ANO4: variants seen among roughly 807,000 people sequenced by gnomAD.
The protein encoded by ANO4 is anoctamin-4.
Under a neutral mutation model 141.9 loss-of-function variants are expected in ANO4, and 69 were observed. That is an observed-to-expected ratio of 0.49 (90% confidence interval 0.40 to 0.59). The LOEUF (loss-of-function observed/expected upper bound fraction) is 0.59, where lower values mean the gene tolerates loss of function less well. Among genes scored for constraint, ANO4 ranks in the 20% least tolerant of loss-of-function variants. The probability of loss-of-function intolerance (pLI) is 0.00; values close to 1 mark genes in which losing one functional copy is unlikely to be tolerated. For synonymous variants in ANO4, 350 were observed against 394.3 expected (o/e 0.89, Z 1.33); for missense variants, 894 against 1,162.2 (o/e 0.77, Z 3.36).
Position 100,901,771 on chromosome 12 carries a change from A to G in ANO4, c.-15A>G, listed in dbSNP as rs771386546. 2.5e-6 allele frequency: 4 copies of G among 1,613,620 alleles called. No homozygotes were observed. The African/African-American group carries it at 5.3e-5, about 22-fold the overall frequency. The stretch of plus-strand genomic sequence containing the variant: ...CAGGCATTCCTCACTCCCACCAGGC[A>G]GAAGGTCAATAAAAATGGAGGCAAG... On this transcript the variant is annotated 5_prime_UTR_variant, in exon 2 of 28. Transcript: ENST00000392977.
chr12:101,096,311 C>T (rs1490440453), intron 18 of ANO4, among the ~76,000 whole-genome samples: 2 of 152,150 alleles, frequency 1.3e-5, no homozygotes, highest in Non-Finnish European at 2.9e-5. Flanking sequence ...CTATCAGATT[C>T]TTCCATAGCC....
intron 3 of ANO4, among the ~76,000 whole-genome samples, chr12:100,743,938 A>G (rs1455060089): frequency 1.3e-5 from 2 of 152,070 alleles, no homozygotes; most frequent in Non-Finnish European, 2.9e-5. Context: ...GCAATTTTTG[A>G]TAACCAAGAT....
intron 1 of ANO4, among the ~76,000 whole-genome samples, chr12:100,868,887 T>A (rs1312174685): frequency 6.6e-6 from 1 of 152,380 alleles, no homozygotes; most frequent in African/African-American, 2.4e-5. Context: ...TAGTTTTGTT[T>A]GTTTGTTTAA....
chr12:101,007,893 T>TA (rs201995721), intron 8 of ANO4, among the ~76,000 whole-genome samples: 22 of 151,504 alleles, frequency 1.5e-4, no homozygotes, highest in African/African-American at 3.4e-4. Context: ...CTTGAGTTTC[T>TA]AAAAAAAAAT....
intron 1 of ANO4, among the ~76,000 whole-genome samples, chr12:100,819,116 G>T (rs1215910811): frequency 7.2e-6 from 1 of 139,470 alleles, no homozygotes; most frequent in African/African-American, 2.5e-5. Context: ...GACATTAGAT[G>T]AATTTTTTTT....
intron 1 of ANO4, among the ~76,000 whole-genome samples, chr12:100,809,691 A>G (rs2035279729): frequency 6.6e-6 from 1 of 152,254 alleles, no homozygotes; most frequent in Non-Finnish European, 1.5e-5. Context: ...CAAAGGCTTT[A>G]TATGACATGC....
chr12:100,898,152 G>A (rs777945266), intron 1 of ANO4, among the ~76,000 whole-genome samples: 1 of 152,168 alleles, frequency 6.6e-6, no homozygotes, highest in Non-Finnish European at 1.5e-5. Flanking sequence ...ATACATTAAT[G>A]GGATAATGAT....
At chr12:100,863,801 T>G (rs746367874) in intron 1 of ANO4, among the ~76,000 whole-genome samples, 1 of 152,206 alleles carries the variant, frequency 6.6e-6, no homozygotes, top group Non-Finnish European at 1.5e-5. Flanking sequence ...GAGTGACTCA[T>G]GATGGGTTTT....
chr12:100,810,620 G>A lies in ANO4; in HGVS notation c.-141+15593G>A, dbSNP rs557463138. On this transcript the variant is annotated intron_variant, in intron 1 of 27. Coordinates refer to ENST00000392977, the MANE Select transcript of ANO4 (RefSeq NM_001286615.2). The stretch of plus-strand genomic sequence containing the variant: ...ATAGTGATTCTGGAGGTGGTGAGAG[G>A]TGGTAGAACTATGGATCTGTCTTGA... 6.6e-5 allele frequency among the ~76,000 whole-genome samples: 10 copies of A among 152,264 alleles called. No individual in the cohort carries two copies. In the South Asian group the frequency reaches 1.9e-3, roughly 28 times the overall value.
At chr12:100,750,460 A>G (rs1005098462) in intron 3 of ANO4, among the ~76,000 whole-genome samples, 1 of 152,036 alleles carries the variant, frequency 6.6e-6, no homozygotes, top group Non-Finnish European at 1.5e-5. Context: ...CTGCATTTCT[A>G]ACAAGCTTCC....
chr12:101,103,412 A>G (rs2050289703), intron 22 of ANO4, among the ~76,000 whole-genome samples: 1 of 151,058 alleles, frequency 6.6e-6, no homozygotes, highest in South Asian at 2.1e-4. Flanking sequence ...GTTTTCATAT[A>G]TCCCTAGGTT....
At chr12:100,860,878 T>C (rs974472009) in intron 1 of ANO4, among the ~76,000 whole-genome samples, 6 of 152,212 alleles carry the variant, frequency 3.9e-5, no homozygotes, top group African/African-American at 1.2e-4. Flanking sequence ...GTTCGTTCCT[T>C]CTGGTGCATT....
At chr12:100,857,625 A>G (rs892041067) in intron 1 of ANO4, among the ~76,000 whole-genome samples, 1 of 152,120 alleles carries the variant, frequency 6.6e-6, no homozygotes, top group African/African-American at 2.4e-5. Flanking sequence ...TGCCACTTTG[A>G]GATTCTCTGG....
intron 1 of ANO4, among the ~76,000 whole-genome samples, chr12:100,834,282 C>T (rs1487050103): frequency 6.6e-6 from 1 of 152,078 alleles, no homozygotes; most frequent in African/African-American, 2.4e-5. Context: ...TCTGCCCTTT[C>T]GACTGCCCTA....
chr12:100,848,926 G>A (rs2037723919), intron 1 of ANO4, among the ~76,000 whole-genome samples: 1 of 152,070 alleles, frequency 6.6e-6, no homozygotes, highest in Non-Finnish European at 1.5e-5. Context: ...TGCACATAGT[G>A]GGAATAAATA....
intron 13 of ANO4, among the ~76,000 whole-genome samples, chr12:101,045,613 C>A (rs1044391544): frequency 3.3e-5 from 5 of 152,138 alleles, no homozygotes; most frequent in African/African-American, 1.2e-4. Flanking sequence ...ATGCTGTATC[C>A]TTGACTCTTG....
chr12:100,804,913 C>T (rs370930381), intron 1 of ANO4, among the ~76,000 whole-genome samples: 1 of 152,154 alleles, frequency 6.6e-6, no homozygotes, highest in African/African-American at 2.4e-5. Flanking sequence ...TCTGTTTGCT[C>T]TGATGATAGT....
At chr12:100,970,941 A>C (rs1399228946) in intron 5 of ANO4, among the ~76,000 whole-genome samples, 1 of 151,848 alleles carries the variant, frequency 6.6e-6, no homozygotes, top group Non-Finnish European at 1.5e-5. Context: ...CTGGTCTCGA[A>C]CTCCTGACCT....
chr12:100,735,740 C>G (rs2031579480), intron 2 of ANO4, among the ~76,000 whole-genome samples: 1 of 151,932 alleles, frequency 6.6e-6, no homozygotes, highest in African/African-American at 2.4e-5. Context: ...TGAGCTGTTC[C>G]CAGGAATGTG....
Sources: allele counts gnomAD v4.1 joint callset (sites outside exome capture counted in the v4.1 genomes callset), GRCh38; gene constraint gnomAD v4.1.1; transcripts MANE v1.5; gene names NCBI Gene and HGNC (gene_info 2026-07-23, HGNC 2026-07-21).